The following ZFPM1 variants were observed in gnomAD, a reference collection of about 807,000 sequenced individuals.
The protein encoded by ZFPM1 is zinc finger protein ZFPM1.
Under a neutral mutation model 46.3 loss-of-function variants are expected in ZFPM1, and 28 were observed. The observed-to-expected ratio is 0.60, with a 90% CI of 0.45 to 0.83. The LOEUF (loss-of-function observed/expected upper bound fraction) is 0.83, where lower values mean the gene tolerates loss of function less well. Among genes scored for constraint, ZFPM1 ranks in the 40% least tolerant of loss-of-function variants. The pLI is 0.00. For synonymous variants in ZFPM1, 957 were observed against 675.9 expected, an observed-to-expected ratio of 1.42 and a Z score of -6.45; for missense variants, 1,878 against 1,432.4, an observed-to-expected ratio of 1.31 and a Z score of -5.02.
chr16:88,497,263 A>G lies in ZFPM1; in HGVS notation c.268+8110A>G, dbSNP rs914424931. 2.9e-5 allele frequency among the ~76,000 whole-genome samples: 4 copies of G among 135,874 alleles called. No homozygotes were observed. Among genetic ancestry groups the G allele is most frequent in the African/African-American group, 1.1e-4 (3 of 26,182 alleles). The allele number at this position is 135,874 out of a possible 152,430, so 89.1% of individuals were successfully genotyped here. A position where few individuals can be genotyped will look rare whatever the true frequency, so the allele number is the denominator to read the frequency against. On this transcript the variant is annotated intron_variant, in intron 3 of 9. Coordinates refer to ENST00000319555, the MANE Select transcript of ZFPM1 (RefSeq NM_153813.3). The surrounding 1 kb of genome is among the most constrained non-coding windows in gnomAD (Gnocchi z 5.4). ...GGAGGGGCGGCAGGTGGACGGCCCC[A>G]GCCCCAGCCCCAGCCCCAGCCCCAT...
At chr16:88,496,175 A>G (rs186971635) in intron 3 of ZFPM1, among the ~76,000 whole-genome samples, 2 of 152,318 alleles carry the variant, frequency 1.3e-5, no homozygotes, top group Non-Finnish European at 2.9e-5. Flanking sequence ...TGGTGGGCTC[A>G]GCACACATCC....
At chr16:88,505,777 C>T (rs1910620037) in intron 3 of ZFPM1, among the ~76,000 whole-genome samples, 1 of 152,174 alleles carries the variant, frequency 6.6e-6, no homozygotes, top group Non-Finnish European at 1.5e-5. Context: ...AGGAGACCAC[C>T]GTGCTGGTGG....
intron 1 of ZFPM1, among the ~76,000 whole-genome samples, chr16:88,458,826 A>G (rs1239901819): frequency 3.3e-5 from 5 of 152,086 alleles, no homozygotes; most frequent in Non-Finnish European, 7.4e-5. Flanking sequence ...CTGCCACCCT[A>G]CACTCAGGCA....
intron 4 of ZFPM1, among the ~76,000 whole-genome samples, chr16:88,522,739 C>A (rs987244449): frequency 2.0e-5 from 3 of 152,138 alleles, no homozygotes; most frequent in Non-Finnish European, 4.4e-5. Context: ...AGGGACAGGG[C>A]AACCCCAAGG....
At chr16:88,479,465 G>A (rs1371016024) in intron 1 of ZFPM1, among the ~76,000 whole-genome samples, 2 of 152,006 alleles carry the variant, frequency 1.3e-5, no homozygotes, top group Admixed American at 6.6e-5. Flanking sequence ...GGCTCACCAC[G>A]GCCCCCAGAC....
At chr16:88,520,147 G>A in intron 4 of ZFPM1, among the ~76,000 whole-genome samples, 1 of 149,824 alleles carries the variant, frequency 6.7e-6, no homozygotes, top group Admixed American at 6.7e-5. Context: ...ATGGATGGAT[G>A]ACGGGTGAAT....
chr16:88,495,374 C>T (rs1909877627), intron 3 of ZFPM1, among the ~76,000 whole-genome samples: 1 of 152,224 alleles, frequency 6.6e-6, no homozygotes, highest in Admixed American at 6.5e-5. Context: ...TGAGGCTGGG[C>T]AGAACTGAGG....
intron 1 of ZFPM1, among the ~76,000 whole-genome samples, chr16:88,482,985 G>A (rs1489139175): frequency 1.3e-5 from 2 of 152,202 alleles, no homozygotes; most frequent in East Asian, 1.9e-4. Context: ...GCTGAGGGAG[G>A]GCACTCGGGT....
At chr16:88,481,555 G>T (rs1395314430) in intron 1 of ZFPM1, among the ~76,000 whole-genome samples, 3 of 152,074 alleles carry the variant, frequency 2.0e-5, no homozygotes, top group Non-Finnish European at 2.9e-5. Context: ...GGATGTGGTT[G>T]GCGAGTGGGA....
chr16:88,498,645 G>A (rs1910076920), intron 3 of ZFPM1, among the ~76,000 whole-genome samples: 1 of 152,148 alleles, frequency 6.6e-6, no homozygotes, highest in African/African-American at 2.4e-5. Flanking sequence ...AAATGAACGA[G>A]GGGCGTCTGG....
intron 4 of ZFPM1, chr16:88,516,403 G>T: frequency 2.5e-6 from 1 of 397,744 alleles, no homozygotes; most frequent in African/African-American, 2.1e-5. Context: ...CTCCCAAGTG[G>T]GGAGATAACG....
chr16:88,493,984 G>A (rs980722315), intron 3 of ZFPM1, among the ~76,000 whole-genome samples: 8 of 152,164 alleles, frequency 5.3e-5, no homozygotes, highest in Non-Finnish European at 4.4e-5. Context: ...CAGGCAGGCC[G>A]CCTGACCCCT....
chr16:88,501,127 A>AGATAGCGGGTGTGGG (rs1567540959), intron 3 of ZFPM1, among the ~76,000 whole-genome samples: 1 of 74,550 alleles, frequency 1.3e-5, no homozygotes, highest in African/African-American at 6.6e-5. Context: ...GCAGACATGG[A>AGATAGCGGGTGTGGG]TGCGGGGGCC....
rs751565892 is a variant in ZFPM1, at chr16:88,473,290, C to T, written c.41-12649C>T. 2.6e-4 allele frequency among the ~76,000 whole-genome samples: 40 copies of T among 152,254 alleles called. 1 individual carries two copies. Among genetic ancestry groups the T allele is most frequent in the Non-Finnish European group, 5.0e-4 (34 of 68,046 alleles). ...AAGAGGATGGCAGGAACCACCCACCCTTGGGCTGTGGTTGGATGCTGTGAA... is the reference window on the plus strand; with the variant it reads ...AAGAGGATGGCAGGAACCACCCACCTTTGGGCTGTGGTTGGATGCTGTGAA... On this transcript the variant is annotated intron_variant, in intron 1 of 9. Coordinates refer to ENST00000319555, the MANE Select transcript of ZFPM1 (RefSeq NM_153813.3).
chr16:88,518,467 GTGGGTAGA>G (rs932428580), intron 4 of ZFPM1, among the ~76,000 whole-genome samples: 287 of 151,754 alleles, frequency 1.9e-3, no homozygotes, highest in African/African-American at 6.6e-3. Flanking sequence ...GGGTGGATGG[GTGGGTAGA>G]TGGGTAGATG....
At chr16:88,518,707 G>A (rs1394289579) in intron 4 of ZFPM1, among the ~76,000 whole-genome samples, 3 of 146,178 alleles carry the variant, frequency 2.1e-5, no homozygotes, top group South Asian at 4.5e-4. Flanking sequence ...ATTGATGGAC[G>A]GATGGATGGA....
At chr16:88,524,130 G>A (rs992328216) in intron 4 of ZFPM1, among the ~76,000 whole-genome samples, 4 of 152,198 alleles carry the variant, frequency 2.6e-5, no homozygotes, top group African/African-American at 7.2e-5. Context: ...TATCGTTACC[G>A]CAGCACCCAT....
chr16:88,511,416 G>A (rs1910955521), intron 3 of ZFPM1, among the ~76,000 whole-genome samples: 1 of 152,108 alleles, frequency 6.6e-6, no homozygotes, highest in African/African-American at 2.4e-5. Context: ...ATCTCCATGG[G>A]TGCCACTGTC....
chr16:88,504,210 G>T (rs1910530633), intron 3 of ZFPM1, among the ~76,000 whole-genome samples: 1 of 152,140 alleles, frequency 6.6e-6, no homozygotes, highest in African/African-American at 2.4e-5. Flanking sequence ...TGGAAAAACG[G>T]GGCAGAGGCC....
Sources: allele counts gnomAD v4.1 joint callset (sites outside exome capture counted in the v4.1 genomes callset), GRCh38; gene constraint gnomAD v4.1.1; non-coding constraint Gnocchi (gnomAD v3.1); transcripts MANE v1.5; gene names NCBI Gene and HGNC (gene_info 2026-07-23, HGNC 2026-07-21).